Variants in SEPTIN8 observed in about 807,000 individuals in gnomAD.
SEPTIN8 encodes septin-8.
Under a neutral mutation model 53.1 loss-of-function variants are expected in SEPTIN8, and 22 were observed. The observed-to-expected ratio is 0.41, with a 90% CI of 0.30 to 0.59. SEPTIN8 has a LOEUF of 0.59. Ranked by LOEUF, SEPTIN8 falls within the 20% of genes least tolerant of loss-of-function variation. SEPTIN8 has a pLI of 0.24. For missense variants in SEPTIN8, 536 were observed against 638.7 expected, an observed-to-expected ratio of 0.84 and a Z score of 1.73; for synonymous variants, 228 against 248.4, an observed-to-expected ratio of 0.92 and a Z score of 0.77.
At chr5:132,757,912 C>A in intron 9 of SEPTIN8, 1 of 985,736 alleles carries the variant, frequency 1.0e-6, no homozygotes, top group African/African-American at 1.7e-5. Context: ...GAGGTAACAA[C>A]CTTTTTCCCA....
intron 1 of SEPTIN8, among the ~76,000 whole-genome samples, chr5:132,767,856 C>T (rs1406069709): frequency 1.3e-5 from 2 of 151,718 alleles, no homozygotes; most frequent in African/African-American, 4.8e-5. Context: ...TATTCATCCT[C>T]TTCTTCCAAG....
chr5:132,762,608 A>G lies in SEPTIN8; in HGVS notation c.572T>C (p.Ile191Thr). Residue 191 changes from isoleucine (I) to threonine (T), a missense_variant, in exon 5 of 10, where the codon ATC becomes ACC. Ile to Thr is a moderately conservative substitution (Grantham distance 89). Around this residue, in one of 3 missense-constraint regions of SEPTIN8, gnomAD observed 395 missense variants for 451.8 expected, o/e 0.87. Transcript: ENST00000378719. Reference protein sequence around the residue: ...IIPIIAKADTISKSELHKFKI... With the variant: ...IIPIIAKADTTSKSELHKFKI... ...GAACTTGTGGAGCTCGCTCTTGGAGATGGTGTCAGCCTTGGCGATGATGGG... is the reference window on the plus strand; with the variant it reads ...GAACTTGTGGAGCTCGCTCTTGGAGGTGGTGTCAGCCTTGGCGATGATGGG... 6.2e-7 allele frequency: 1 copy of G among 1,614,158 alleles called. No homozygotes were observed. The highest frequency in any genetic ancestry group is 2.2e-5 in the East Asian group (1 of 44,884).
rs1384553944 is a variant in SEPTIN8 at position 132,773,256 on chromosome 5, G to T, written c.30+3852C>A. 1.3e-5 allele frequency among the ~76,000 whole-genome samples: 2 copies of T among 152,146 alleles called. No homozygotes were observed. Among genetic ancestry groups the T allele is most frequent in the African/African-American group, 4.8e-5 (2 of 41,418 alleles). ...GCTCTGCATCTGGTTATCTGGCAAA[G>T]CTTTTGCCTTGGGGGCCATGCCTGG... On this transcript the variant is annotated intron_variant, in intron 1 of 9. Coordinates refer to ENST00000378719, the MANE Select transcript of SEPTIN8 (RefSeq NM_001098811.2). This position sits in a 1 kb window ranked among gnomAD's most constrained non-coding sequence, Gnocchi z 4.2.
chr5:132,763,986 C>A, intron 3 of SEPTIN8, 94 bp from the exon 4 acceptor site: 4 of 1,314,230 alleles, frequency 3.0e-6, no homozygotes, highest in Non-Finnish European at 4.2e-6. Flanking sequence ...CAGGCTGCCC[C>A]CTGGCCTTTT....
chr5:132,775,764 G>A (rs537165747), intron 1 of SEPTIN8: 1 of 152,170 alleles, frequency 6.6e-6, no homozygotes, highest in Non-Finnish European at 1.5e-5. Flanking sequence ...TAATCAGCAG[G>A]TCTGTTAGGA....
At chr5:132,767,678 C>G (rs1429505620) in intron 1 of SEPTIN8, among the ~76,000 whole-genome samples, 1 of 152,140 alleles carries the variant, frequency 6.6e-6, no homozygotes, top group Non-Finnish European at 1.5e-5. Flanking sequence ...ATCAGAGCAC[C>G]TGCCCACCTT....
chr5:132,769,816 G>A (rs1220735724), intron 1 of SEPTIN8, among the ~76,000 whole-genome samples: 1 of 151,188 alleles, frequency 6.6e-6, no homozygotes. Flanking sequence ...CAAGCGTGGG[G>A]GTTCCCGGGG....
chr5:132,759,721 G>A (rs1755698631), intron 9 of SEPTIN8, among the ~76,000 whole-genome samples: 1 of 152,174 alleles, frequency 6.6e-6, no homozygotes, highest in African/African-American at 2.4e-5. Flanking sequence ...CACCTGCTTA[G>A]TTCCTAGGTT....
At chr5:132,763,580 G>T in intron 4 of SEPTIN8, 126 bp downstream of exon 4, 1 of 816,954 alleles carries the variant, frequency 1.2e-6, no homozygotes, top group Non-Finnish European at 2.0e-6. Flanking sequence ...CCGAGCCAAT[G>T]GGGGGCCACC....
In SEPTIN8 at chr5:132,761,342, T is replaced by A; in HGVS notation, c.963-77A>T. 6.3e-7 allele frequency: 1 copy of A among 1,598,850 alleles called. No homozygotes were observed. The highest frequency in any genetic ancestry group is 2.2e-5 in the East Asian group (1 of 44,764). On this transcript the variant is annotated intron_variant, in intron 7 of 9. Transcript: ENST00000378719. The surrounding 1 kb of genome is among the most constrained non-coding windows in gnomAD (Gnocchi z 5.8). ...ATAGGGCAGGGCAGAGCCAGAGAAG[T>A]AGAATCATGTGGGCACGAGGGGTAA... is the stretch of plus-strand genomic sequence containing the variant.
rs1756025498 is a variant in SEPTIN8, at chr5:132,761,963, T to C, written c.697-67A>G. 7.1e-7 allele frequency: 1 copy of C among 1,413,042 alleles called. No homozygotes were observed. Among genetic ancestry groups the C allele is most frequent in the African/African-American group, 1.4e-5 (1 of 70,616 alleles). 87.5% of individuals were successfully genotyped at this position (1,413,042 alleles called of 1,614,324 possible). ...AGACTAATGGCAGACTCTCCCTCCC[T>C]GCCCCTGGGTCCTAGGGAGGGGCAG... On this transcript the variant is annotated intron_variant, in intron 5 of 9. Coordinates refer to ENST00000378719, the MANE Select transcript of SEPTIN8 (RefSeq NM_001098811.2). The surrounding 1 kb of genome is among the most constrained non-coding windows in gnomAD (Gnocchi z 5.8).
Position 132,761,955 on chromosome 5 carries a change from T to G in SEPTIN8, c.697-59A>C. 2 of 1,447,672 alleles carry G rather than the reference T, an allele frequency of 1.4e-6. No individual in the cohort carries two copies. Among genetic ancestry groups the G allele is most frequent in the Non-Finnish European group, 9.4e-7 (1 of 1,064,238 alleles). 89.7% of individuals were successfully genotyped at this position (1,447,672 alleles called of 1,614,324 possible). ...GCTGACACAGACTAATGGCAGACTC[T>G]CCCTCCCTGCCCCTGGGTCCTAGGG... On this transcript the variant is annotated intron_variant, in intron 5 of 9. Coordinates refer to ENST00000378719, the MANE Select transcript of SEPTIN8 (RefSeq NM_001098811.2). This position sits in a 1 kb window ranked among gnomAD's most constrained non-coding sequence, Gnocchi z 5.8.
chr5:132,771,209 ATCTC>A (rs1757288107), intron 1 of SEPTIN8, among the ~76,000 whole-genome samples: 1 of 152,204 alleles, frequency 6.6e-6, no homozygotes, highest in Admixed American at 6.5e-5. Flanking sequence ...AAGAAACTGC[ATCTC>A]ATGGTTGCCA....
upstream of SEPTIN8, chr5:132,777,602 C>T: frequency 1.0e-6 from 1 of 982,604 alleles, no homozygotes. The surrounding 1 kb of genome is among the most constrained non-coding windows in gnomAD (Gnocchi z 4.1). Context: ...TGGGGCACGG[C>T]GTGCGCCCTA....
At position 132,758,834 on chromosome 5, in the gene SEPTIN8, AAAAAT is replaced by A. The variant is rs754769669; in HGVS notation, c.1286+1963_1286+1967del. 7 of 1,613,576 alleles carry A rather than the reference AAAAAT, an allele frequency of 4.3e-6. No homozygotes were observed. The Admixed American group carries it at 8.3e-5, about 19-fold the overall frequency. ...TCTGTGCGTGCGTTAACTGAAAAAT[AAAAAT>A]AAAACAAACAAAACAAAAACAGACA... On this transcript the variant is annotated intron_variant, in intron 9 of 9. Transcript: ENST00000378719.
At chr5:132,756,466 C>T in intron 9 of SEPTIN8, 2 of 985,352 alleles carry the variant, frequency 2.0e-6, no homozygotes, top group Non-Finnish European at 2.4e-6. Flanking sequence ...TGTAAGACAG[C>T]CCTAATAAAG....
At chr5:132,758,662 G>A in intron 9 of SEPTIN8, 1 of 1,592,158 alleles carries the variant, frequency 6.3e-7, no homozygotes, top group African/African-American at 1.3e-5. Context: ...TGGGGCCAGG[G>A]TCGGTGGGAG....
At chr5:132,759,997 T>C (rs1490269168) in intron 9 of SEPTIN8, among the ~76,000 whole-genome samples, 1 of 151,986 alleles carries the variant, frequency 6.6e-6, no homozygotes, top group East Asian at 1.9e-4. Context: ...ATCCAGTCTT[T>C]CTCTCCTCTC....
chr5:132,751,116 T>A lies in SEPTIN8; in HGVS notation c.*900A>T. The A allele has an allele frequency of 1.7e-6, 2 of 1,145,248 alleles. No homozygotes were observed. The highest frequency in any genetic ancestry group is 2.5e-6 in the Non-Finnish European group (2 of 803,514). The allele number at this position is 1,145,248 out of a possible 1,614,324, so 70.9% of individuals were successfully genotyped here. A position where few individuals can be genotyped will look rare whatever the true frequency, so the allele number is the denominator to read the frequency against. ...ACACGCCCTTGCACATGCACCACAG[T>A]GAGGTGACGCACAAGGCTCATGACA... On this transcript the variant is annotated 3_prime_UTR_variant, in exon 10 of 10. Coordinates refer to ENST00000378719, the MANE Select transcript of SEPTIN8 (RefSeq NM_001098811.2).
Sources: gnomAD v4.1 joint callset for allele counts (sites outside exome capture counted in the v4.1 genomes callset) on GRCh38, gnomAD v4.1.1 for gene constraint, gnomAD v4.1.1 regional missense constraint, Gnocchi (gnomAD v3.1) non-coding constraint, MANE v1.5 for transcripts, NCBI Gene and HGNC (gene_info 2026-07-23, HGNC 2026-07-21) for gene names.